Variants in PLEKHG1 observed in about 807,000 individuals in gnomAD.
PLEKHG1 encodes the protein pleckstrin homology and RhoGEF domain containing G1.
Under a neutral mutation model 100.8 loss-of-function variants are expected in PLEKHG1, and 44 were observed. That is an observed-to-expected ratio of 0.44 (90% CI 0.34 to 0.56). The LOEUF (loss-of-function observed/expected upper bound fraction) is 0.56, where lower values mean the gene tolerates loss of function less well. PLEKHG1 is among the 20% of genes least tolerant of loss of function. The pLI is 0.01. For synonymous variants in PLEKHG1, 640 were observed against 662.5 expected (o/e 0.97, Z 0.52); for missense variants, 1,545 against 1,720.9 (o/e 0.90, Z 1.81).
chr6:150,716,091 G>C (rs1346663918), upstream of PLEKHG1, among the ~76,000 whole-genome samples: 1 of 122,064 alleles, frequency 8.2e-6, no homozygotes, highest in South Asian at 2.9e-4. Flanking sequence ...CTGGGCGACA[G>C]AGCGAGACTC....
intron 1 of PLEKHG1, among the ~76,000 whole-genome samples, chr6:150,607,336 T>C (rs1272727665): frequency 6.6e-6 from 1 of 152,176 alleles, no homozygotes; most frequent in Non-Finnish European, 1.5e-5. Context: ...TCCATGGCTG[T>C]GTGATTACAG....
chr6:150,722,394 C>A, intron 1 of PLEKHG1, among the ~76,000 whole-genome samples: 1 of 145,768 alleles, frequency 6.9e-6, no homozygotes. Context: ...CGCTCTGTCA[C>A]CCAGGCTGGA....
rs1777461886 is a variant in PLEKHG1, at chr6:150,840,386, TGA to T, written c.3652_3653del (p.His1219ProfsTer9). On this transcript the variant is annotated frameshift_variant, in exon 16 of 16. Coordinates refer to ENST00000358517, the Ensembl canonical transcript of PLEKHG1. LOFTEE classifies it low-confidence loss of function (END_TRUNC). Reference sequence around the variant, plus strand: ...TGTCTTTACACAGAAGTTCAAGGTGTGAGAGTCACCAGGACTTGCTGCCAGAT... The same window carrying T: ...TGTCTTTACACAGAAGTTCAAGGTGTGAGTCACCAGGACTTGCTGCCAGAT... 14 of 1,614,078 alleles carry T rather than the reference TGA, an allele frequency of 8.7e-6. No homozygotes were observed. Among genetic ancestry groups the T allele is most frequent in the Non-Finnish European group, 1.1e-5 (13 of 1,180,042 alleles).
At chr6:150,623,593 A>C (rs967895100) in intron 1 of PLEKHG1, among the ~76,000 whole-genome samples, 1 of 152,252 alleles carries the variant, frequency 6.6e-6, no homozygotes, top group Non-Finnish European at 1.5e-5. Context: ...TCCAGTGTTC[A>C]GCCCTTGCGC....
intron 1 of PLEKHG1, among the ~76,000 whole-genome samples, chr6:150,732,690 TC>T (rs1562470405): frequency 6.6e-6 from 1 of 152,224 alleles, no homozygotes; most frequent in Non-Finnish European, 1.5e-5. Context: ...GGATCTCGGC[TC>T]ACTGCAACCT....
intron 3 of PLEKHG1, among the ~76,000 whole-genome samples, chr6:150,713,578 T>C (rs1245085590): frequency 2.0e-5 from 3 of 152,152 alleles, no homozygotes; most frequent in African/African-American, 4.8e-5. Context: ...AGACTGATTG[T>C]GATGACCCCA....
intron 10 of PLEKHG1, among the ~76,000 whole-genome samples, chr6:150,814,483 A>G (rs1253158377): frequency 2.0e-5 from 3 of 152,248 alleles, no homozygotes; most frequent in African/African-American, 7.2e-5. Context: ...TATTGAGCAT[A>G]CACACTGTGC....
In PLEKHG1 at chr6:150,609,432, AAG is replaced by A. The variant is rs545018970; in HGVS notation, c.-204+9420_-204+9421del. On this transcript the variant is annotated intron_variant, in intron 1 of 3. Transcript: ENST00000367326. ...GAGGGAATAATATGCTAGACTGGGG[AAG>A]AGAGTTAAGTAGGGCAGGCCTTAGA... Among the ~76,000 whole-genome samples, 909 of 152,234 alleles carry A rather than the reference AAG, an allele frequency of 6.0e-3. 5 individuals are homozygous for A. The highest frequency in any genetic ancestry group is 0.027 in the Middle Eastern group (8 of 294).
chr6:150,843,441 G>A (rs1249423099), exon 16 of PLEKHG1: 1 of 152,080 alleles, frequency 6.6e-6, no homozygotes, highest in African/African-American at 2.4e-5. Flanking sequence ...GGTGGGGTGG[G>A]GATGTATATA....
intron 3 of PLEKHG1, among the ~76,000 whole-genome samples, chr6:150,656,030 G>A (rs867311738): frequency 6.6e-6 from 1 of 151,958 alleles, no homozygotes; most frequent in South Asian, 2.1e-4. Flanking sequence ...AGACCGACAT[G>A]GCACGTGTAT....
intron 1 of PLEKHG1, among the ~76,000 whole-genome samples, chr6:150,609,082 C>T (rs1015970570): frequency 1.3e-5 from 2 of 152,042 alleles, no homozygotes; most frequent in African/African-American, 4.8e-5. Context: ...TTTCCTAAGG[C>T]AAAAGTCAAT....
At chr6:150,639,694 A>G (rs551981558) in intron 2 of PLEKHG1, among the ~76,000 whole-genome samples, 4 of 152,174 alleles carry the variant, frequency 2.6e-5, no homozygotes, top group African/African-American at 9.6e-5. Flanking sequence ...GGACCATGGG[A>G]AGGATTGAAG....
chr6:150,652,490 AG>A (rs1157249828), intron 3 of PLEKHG1, among the ~76,000 whole-genome samples: 2 of 152,078 alleles, frequency 1.3e-5, no homozygotes, highest in Non-Finnish European at 2.9e-5. Flanking sequence ...TGGGAGGCCG[AG>A]GGGGGTGGAT....
At chr6:150,796,225 T>C (rs568256913) in intron 5 of PLEKHG1, among the ~76,000 whole-genome samples, 10 of 152,226 alleles carry the variant, frequency 6.6e-5, no homozygotes, top group Non-Finnish European at 1.3e-4. Context: ...CCCTTTTCTG[T>C]GTGTGTCATG....
intron 2 of PLEKHG1, among the ~76,000 whole-genome samples, chr6:150,742,924 A>G (rs1782958920): frequency 6.6e-6 from 1 of 152,118 alleles, no homozygotes; most frequent in Admixed American, 6.5e-5. Context: ...ATGGCTTCTG[A>G]GGTTGCCATC....
chr6:150,724,301 T>A (rs1781844281), intron 1 of PLEKHG1, among the ~76,000 whole-genome samples: 1 of 152,180 alleles, frequency 6.6e-6, no homozygotes, highest in African/African-American at 2.4e-5. Flanking sequence ...ATGGCCAATA[T>A]CTAAAGGCAG....
intron 1 of PLEKHG1, among the ~76,000 whole-genome samples, chr6:150,628,627 A>C (rs761853535): frequency 2.0e-5 from 3 of 149,852 alleles, no homozygotes; most frequent in Non-Finnish European, 4.4e-5. Flanking sequence ...ATTAAGTATT[A>C]ACTTGACTTG....
chr6:150,772,209 T>C (rs1284419924), intron 3 of PLEKHG1, among the ~76,000 whole-genome samples: 2 of 152,130 alleles, frequency 1.3e-5, no homozygotes, highest in Admixed American at 6.6e-5. Flanking sequence ...TCACTGAACA[T>C]GGAATTAAGA....
At chr6:150,645,716 A>G (rs559963833) in intron 2 of PLEKHG1, among the ~76,000 whole-genome samples, 1 of 152,348 alleles carries the variant, frequency 6.6e-6, no homozygotes, top group South Asian at 2.1e-4. Flanking sequence ...GAGAATAGCT[A>G]TAATTACAAT....
Sources: gnomAD v4.1 joint callset for allele counts (sites outside exome capture counted in the v4.1 genomes callset) on GRCh38, gnomAD v4.1.1 for gene constraint, MANE v1.5 for transcripts, NCBI Gene and HGNC (gene_info 2026-07-23, HGNC 2026-07-21) for gene names.